Variants in METAP1 observed in about 807,000 individuals in gnomAD.
The protein encoded by METAP1 is methionine aminopeptidase 1.
Under a neutral mutation model 53.8 loss-of-function variants are expected in METAP1, and 28 were observed. That is an observed-to-expected ratio of 0.52 (90% CI 0.39 to 0.71). METAP1 has a LOEUF of 0.71. Among genes scored for constraint, METAP1 ranks in the 30% least tolerant of loss-of-function variants. The pLI is 0.00. For missense variants in METAP1, 389 were observed against 479.8 expected (o/e 0.81, Z 1.77); for synonymous variants, 181 against 165.7 (o/e 1.09, Z -0.71).
At chr4:99,003,213 CTT>C (rs1231259225) in intron 1 of METAP1, among the ~76,000 whole-genome samples, 6 of 152,198 alleles carry the variant, frequency 3.9e-5, no homozygotes, top group Admixed American at 2.0e-4. Context: ...GAAATTGTAA[CTT>C]TAGCAACTTC....
chr4:99,028,941 A>G, intron 2 of METAP1, 23 bp downstream of exon 2: 1 of 1,492,530 alleles, frequency 6.7e-7, no homozygotes, highest in South Asian at 1.3e-5. Flanking sequence ...ACAAATTTTT[A>G]CACCATTTGT....
At chr4:99,012,625 A>G (rs781392110) in intron 1 of METAP1, among the ~76,000 whole-genome samples, 4 of 142,054 alleles carry the variant, frequency 2.8e-5, no homozygotes, top group African/African-American at 5.2e-5. Flanking sequence ...CTTTCCTTTT[A>G]AAACATCTTT....
At position 99,057,761 on chromosome 4, in the gene METAP1, G is replaced by A. The variant is rs1417081459; in HGVS notation, c.940G>A (p.Ala314Thr). The change falls in exon 10 of 11, where the codon GCA (alanine) becomes ACA (threonine). Residue 314 changes from alanine to threonine, a missense_variant. By Grantham distance (58) the Ala-to-Thr change is moderately conservative. Coordinates refer to ENST00000296411, the MANE Select transcript of METAP1 (RefSeq NM_015143.3). ...PNVPHYAKNK[A>T]VGVMKSGHVF... ...TTTTTCTTTGATTTCAGAAAATAAA[G>A]CAGTTGGAGTGATGAAGTCGGGCCA... 6.3e-7 allele frequency: 1 copy of A among 1,587,704 alleles called. No individual in the cohort carries two copies. The highest frequency in any genetic ancestry group is 1.8e-5 in the Admixed American group (1 of 56,350).
At chr4:99,031,964 C>T (rs1026704388) in intron 2 of METAP1, among the ~76,000 whole-genome samples, 3 of 152,128 alleles carry the variant, frequency 2.0e-5, no homozygotes, top group Non-Finnish European at 2.9e-5. Flanking sequence ...ACAGTCTTTT[C>T]AAAAAGACTA....
chr4:99,006,745 T>C (rs964632719), intron 1 of METAP1, among the ~76,000 whole-genome samples: 1 of 152,178 alleles, frequency 6.6e-6, no homozygotes, highest in Non-Finnish European at 1.5e-5. Context: ...CTATCAAAGC[T>C]CACATATAGC....
At chr4:99,051,085 G>A (rs988924295) in intron 9 of METAP1, among the ~76,000 whole-genome samples, 3 of 152,184 alleles carry the variant, frequency 2.0e-5, no homozygotes, top group Non-Finnish European at 1.5e-5. Flanking sequence ...CAGAATGGAA[G>A]TAGCTATTCT....
intron 1 of METAP1, among the ~76,000 whole-genome samples, chr4:99,000,530 C>T (rs896755992): frequency 6.6e-6 from 1 of 151,958 alleles, no homozygotes; most frequent in African/African-American, 2.4e-5. Context: ...AAATCAGTAC[C>T]AAGGAAGGCT....
chr4:99,033,472 G>T (rs1006045054), intron 2 of METAP1, among the ~76,000 whole-genome samples: 6 of 152,144 alleles, frequency 3.9e-5, no homozygotes, highest in Non-Finnish European at 8.8e-5. Flanking sequence ...CAGCCAGTAT[G>T]TTGACATCAC....
intron 1 of METAP1, among the ~76,000 whole-genome samples, chr4:99,015,126 G>C (rs548803935): frequency 6.6e-6 from 1 of 152,334 alleles, no homozygotes; most frequent in South Asian, 2.1e-4. Context: ...CTTACCGTGT[G>C]CACAAGTGTA....
chr4:99,040,908 TTA>T (rs1444439588), intron 5 of METAP1, 133 bp from the exon 6 acceptor site: 2 of 304,276 alleles, frequency 6.6e-6, no homozygotes, highest in Non-Finnish European at 1.2e-5. Context: ...TATAATATAT[TTA>T]TATATTTTCT....
chr4:99,015,527 C>T (rs953414857), intron 1 of METAP1, among the ~76,000 whole-genome samples: 2 of 152,158 alleles, frequency 1.3e-5, no homozygotes, highest in African/African-American at 4.8e-5. Context: ...AAAGATTAGG[C>T]CTAAGCTCAG....
intron 1 of METAP1, among the ~76,000 whole-genome samples, chr4:99,015,572 T>C (rs1355531147): frequency 3.3e-5 from 5 of 152,166 alleles, no homozygotes; most frequent in Non-Finnish European, 7.3e-5. Context: ...AGCCTCTGTA[T>C]TGAGTGGTCC....
At chr4:99,058,009 G>A (rs918723572) in intron 10 of METAP1, among the ~76,000 whole-genome samples, 191 bp downstream of exon 10, 1 of 152,070 alleles carries the variant, frequency 6.6e-6, no homozygotes, top group Non-Finnish European at 1.5e-5. Flanking sequence ...TGGGTTCTGC[G>A]TGGTAGTCTT....
In METAP1 at chr4:99,004,794, C is replaced by T. The variant is rs1001617727; in HGVS notation, c.114+8927C>T. On this transcript the variant is annotated intron_variant, in intron 1 of 10. Coordinates refer to ENST00000296411, the MANE Select transcript of METAP1 (RefSeq NM_015143.3). ...ATTACATGTATTCTTTTACAACATGCGTTTTTTTGTTTGTCATTATGTTCC... is the reference window on the plus strand; with the variant it reads ...ATTACATGTATTCTTTTACAACATGTGTTTTTTTGTTTGTCATTATGTTCC... Among the ~76,000 whole-genome samples the T allele has an allele frequency of 2.6e-5, 4 of 152,006 alleles. No homozygotes were observed. In the South Asian group the frequency reaches 6.2e-4, roughly 24 times the overall value.
intron 1 of METAP1, among the ~76,000 whole-genome samples, chr4:99,016,531 A>G (rs1723777493): frequency 6.6e-6 from 1 of 152,142 alleles, no homozygotes; most frequent in South Asian, 2.1e-4. Flanking sequence ...TATTAATCCA[A>G]ACCTGGGTAT....
intron 1 of METAP1, among the ~76,000 whole-genome samples, chr4:99,005,457 C>T (rs1421704436): frequency 6.6e-6 from 1 of 152,102 alleles, no homozygotes; most frequent in African/African-American, 2.4e-5. Context: ...GCCAGAATGG[C>T]CATTACTAAA....
chr4:99,012,987 T>A (rs896439149), intron 1 of METAP1, among the ~76,000 whole-genome samples: 1 of 152,066 alleles, frequency 6.6e-6, no homozygotes, highest in Non-Finnish European at 1.5e-5. Flanking sequence ...TAGAAAGGAG[T>A]GTCTGGATTA....
chr4:99,041,187 A>G, intron 6 of METAP1, 61 bp downstream of exon 6: 3 of 1,164,530 alleles, frequency 2.6e-6, no homozygotes, highest in Middle Eastern at 2.2e-4. Context: ...CTTTGAACTT[A>G]AACATTAAGT....
At chr4:99,005,494 T>C (rs1447101547) in intron 1 of METAP1, among the ~76,000 whole-genome samples, 5 of 152,204 alleles carry the variant, frequency 3.3e-5, no homozygotes, top group Non-Finnish European at 7.4e-5. Flanking sequence ...GATGTTGGCA[T>C]GGATGTGATG....
Sources: gnomAD v4.1 joint callset for allele counts (sites outside exome capture counted in the v4.1 genomes callset) on GRCh38, gnomAD v4.1.1 for gene constraint, MANE v1.5 for transcripts, NCBI Gene and HGNC (gene_info 2026-07-23, HGNC 2026-07-21) for gene names.